The following DYNC2LI1 variants were observed in gnomAD, a reference collection of about 807,000 sequenced individuals.
DYNC2LI1 encodes the protein dynein cytoplasmic 2 light intermediate chain 1.
In DYNC2LI1, 45 loss-of-function variants were observed where a neutral mutation model predicts 51.9. The observed-to-expected ratio is 0.87, with a 90% confidence interval of 0.68 to 1.11. DYNC2LI1 has a LOEUF of 1.11. Ranked by LOEUF, DYNC2LI1 falls within the 50% of genes most tolerant of loss-of-function variation. DYNC2LI1 has a pLI of 0.00. For missense variants in DYNC2LI1, 490 were observed against 417.4 expected, an observed-to-expected ratio of 1.17 and a Z score of -1.51; for synonymous variants, 130 against 137.8, an observed-to-expected ratio of 0.94 and a Z score of 0.40.
downstream of DYNC2LI1, chr2:43,814,497 T>C: frequency 6.2e-7 from 1 of 1,606,328 alleles, no homozygotes; most frequent in South Asian, 1.1e-5. Flanking sequence ...ATTCAGTCCG[T>C]AGAACTCATT....
chr2:43,777,883 A>C (rs1449341452), intron 2 of DYNC2LI1, among the ~76,000 whole-genome samples: 1 of 152,260 alleles, frequency 6.6e-6, no homozygotes, highest in Non-Finnish European at 1.5e-5. Flanking sequence ...TGATGTAAGA[A>C]TATAATCTGA....
the DYNC2LI1 span, among the ~76,000 whole-genome samples, chr2:43,826,889 C>A: frequency 6.6e-6 from 1 of 152,170 alleles, no homozygotes; most frequent in Non-Finnish European, 1.5e-5. Context: ...AAAGACAACC[C>A]CATTTCATGT....
chr2:43,774,501 G>T (rs763279909), intron 1 of DYNC2LI1, among the ~76,000 whole-genome samples: 6 of 152,150 alleles, frequency 3.9e-5, no homozygotes, highest in Non-Finnish European at 7.3e-5. Flanking sequence ...CTGGTGCGGG[G>T]GTTCGCAGTA....
chr2:43,800,189 C>G (rs1268644668), intron 8 of DYNC2LI1, among the ~76,000 whole-genome samples: 1 of 152,206 alleles, frequency 6.6e-6, no homozygotes, highest in Admixed American at 6.5e-5. Context: ...TGGTATTCAT[C>G]TGATGTCACA....
At chr2:43,813,434 G>A (rs935338490), downstream of DYNC2LI1, 3 of 732,208 alleles carry the variant, frequency 4.1e-6, no homozygotes, top group Non-Finnish European at 7.3e-6. Flanking sequence ...CAAGCCCAGA[G>A]TTTACAATTT....
chr2:43,821,171 T>G, the DYNC2LI1 span, among the ~76,000 whole-genome samples: 2 of 152,332 alleles, frequency 1.3e-5, no homozygotes, highest in East Asian at 3.9e-4. Flanking sequence ...ACTTTTCCTC[T>G]GTACAAATCA....
chr2:43,821,305 C>T, the DYNC2LI1 span, among the ~76,000 whole-genome samples: 1 of 152,226 alleles, frequency 6.6e-6, no homozygotes, highest in Non-Finnish European at 1.5e-5. Flanking sequence ...CTCCTCTCCC[C>T]TATCATTTTC....
chr2:43,827,398 A>G, the DYNC2LI1 span, among the ~76,000 whole-genome samples: 1 of 151,792 alleles, frequency 6.6e-6, no homozygotes, highest in African/African-American at 2.4e-5. Context: ...ACCAAGCACC[A>G]TTTGAAGAAC....
At chr2:43,799,552 G>A (rs1305834861) in intron 8 of DYNC2LI1, among the ~76,000 whole-genome samples, 1 of 152,180 alleles carries the variant, frequency 6.6e-6, no homozygotes, top group Non-Finnish European at 1.5e-5. Context: ...CTCAAAATAT[G>A]AAAGCACATT....
downstream of DYNC2LI1, chr2:43,813,131 AT>A: frequency 7.8e-7 from 1 of 1,289,500 alleles, no homozygotes; most frequent in Non-Finnish European, 1.1e-6. Flanking sequence ...TGCTAATGAG[AT>A]GATCCCTTAT....
At chr2:43,796,333 CAAAA>C (rs367924644) in intron 7 of DYNC2LI1, among the ~76,000 whole-genome samples, 1 of 106,440 alleles carries the variant, frequency 9.4e-6, no homozygotes, top group Non-Finnish European at 2.2e-5. Flanking sequence ...ACACTTGTCT[CAAAA>C]AAAAAAAAAA....
chr2:43,799,974 T>C (rs1290809420), intron 8 of DYNC2LI1, among the ~76,000 whole-genome samples: 1 of 152,238 alleles, frequency 6.6e-6, no homozygotes, highest in African/African-American at 2.4e-5. Context: ...TTTCTGTTCT[T>C]AATCCAGAAT....
At chr2:43,776,219 A>G (rs1428612977) in intron 1 of DYNC2LI1, among the ~76,000 whole-genome samples, 2 of 151,980 alleles carry the variant, frequency 1.3e-5, no homozygotes, top group African/African-American at 4.8e-5. Flanking sequence ...TAGTAGTAGC[A>G]GTAGTAGAGA....
At chr2:43,827,951 A>T in the DYNC2LI1 span, 1 of 1,613,168 alleles carries the variant, frequency 6.2e-7, no homozygotes, top group Non-Finnish European at 8.5e-7. Flanking sequence ...ATGCCCAGAC[A>T]GCAGCTAGTA....
chr2:43,780,267 A>G (rs7585947), intron 2 of DYNC2LI1, among the ~76,000 whole-genome samples: 64,847 of 152,078 alleles, frequency 0.43, 15,774 homozygotes, highest in African/African-American at 0.67. Flanking sequence ...GGAAGTGACC[A>G]TGGCAGAAGC....
At chr2:43,821,514 C>A in the DYNC2LI1 span, among the ~76,000 whole-genome samples, 1 of 152,198 alleles carries the variant, frequency 6.6e-6, no homozygotes, top group Non-Finnish European at 1.5e-5. Context: ...CCTCTCACTT[C>A]CCCAGTGCCC....
downstream of DYNC2LI1, among the ~76,000 whole-genome samples, chr2:43,813,495 C>T (rs1297414078): frequency 1.3e-5 from 2 of 152,094 alleles, no homozygotes; most frequent in Admixed American, 6.6e-5. Context: ...TGAAGATGGA[C>T]ATGCTTTTGT....
intron 8 of DYNC2LI1, among the ~76,000 whole-genome samples, chr2:43,799,273 G>C (rs1665993631): frequency 6.6e-6 from 1 of 152,146 alleles, no homozygotes; most frequent in Admixed American, 6.6e-5. Flanking sequence ...CTGCACTCCA[G>C]CCTGGGAAGC....
At chr2:43,827,758 C>T in the DYNC2LI1 span, among the ~76,000 whole-genome samples, 7 of 152,162 alleles carry the variant, frequency 4.6e-5, no homozygotes, top group African/African-American at 4.8e-5. Context: ...ACCAATGCAA[C>T]GCTTCCGGGT....
Sources: allele counts gnomAD v4.1 joint callset (sites outside exome capture counted in the v4.1 genomes callset), GRCh38; gene constraint gnomAD v4.1.1; transcripts MANE v1.5; gene names NCBI Gene and HGNC (gene_info 2026-07-23, HGNC 2026-07-21).